MEIS2: variants seen among roughly 807,000 people sequenced by gnomAD.
The protein encoded by MEIS2 is homeobox protein Meis2.
MEIS2 carries 9 observed loss-of-function variants against 58.6 expected under a neutral mutation model. The observed-to-expected ratio is 0.15, with a 90% CI of 0.09 to 0.27. MEIS2 has a LOEUF of 0.27. Among genes scored for constraint, MEIS2 ranks in the 10% least tolerant of loss-of-function variants. The pLI is 1.00. For synonymous variants in MEIS2, 221 were observed against 228.4 expected (o/e 0.97, Z 0.29); for missense variants, 427 against 635.0 (o/e 0.67, Z 3.52).
chr15:37,035,440 A>G (rs2062112394), intron 8 of MEIS2, among the ~76,000 whole-genome samples: 1 of 152,216 alleles, frequency 6.6e-6, no homozygotes, highest in South Asian at 2.1e-4. Flanking sequence ...CCAATATGTA[A>G]TGGATTTACA....
At chr15:36,972,272 A>T (rs1441380796) in intron 8 of MEIS2, among the ~76,000 whole-genome samples, 2 of 152,180 alleles carry the variant, frequency 1.3e-5, no homozygotes, top group Non-Finnish European at 2.9e-5. Flanking sequence ...GACTGAGTTT[A>T]AAAAAACAAA....
chr15:36,976,391 A>G (rs533079525), intron 8 of MEIS2, among the ~76,000 whole-genome samples: 97 of 151,678 alleles, frequency 6.4e-4, no homozygotes, highest in African/African-American at 2.3e-3. Flanking sequence ...GCCTATAAAG[A>G]GATTTTTTTA....
In MEIS2 at chr15:37,087,707, C is replaced by T. The variant is rs563350932; in HGVS notation, c.640-3822G>A. ...TAGGAAGCAAATCATATGTGTGCCT[C>T]TCTTGTTGAAGTTGCAGATACACTG... is the stretch of plus-strand genomic sequence containing the variant. On this transcript the variant is annotated intron_variant, in intron 6 of 11. Transcript: ENST00000561208. Among the ~76,000 whole-genome samples, 5 of 152,206 alleles carry T rather than the reference C, an allele frequency of 3.3e-5. No homozygotes were observed. The East Asian group carries it at 9.7e-4, about 29-fold the overall frequency.
rs1474471283 is a variant in MEIS2, at chr15:36,970,555, CATT to C, written c.901-20158_901-20156del. ...ATTTGAAAGAAAATCTGGATTTCAA[CATT>C]ATCCTTTGCTGTACAAATCAGTGGA... On this transcript the variant is annotated intron_variant, in intron 8 of 11. Transcript: ENST00000561208. Among the ~76,000 whole-genome samples, 5 of 152,250 alleles carry C rather than the reference CATT, an allele frequency of 3.3e-5. No homozygotes were observed. In the East Asian group the frequency reaches 9.7e-4, roughly 29 times the overall value.
intron 11 of MEIS2, 79 bp downstream of exon 11, chr15:36,895,072 G>T: frequency 6.6e-6 from 8 of 1,215,338 alleles, no homozygotes; most frequent in Non-Finnish European, 8.4e-6. Flanking sequence ...ATGACAGTGG[G>T]ATAGTAGAGT....
At chr15:36,952,084 C>G (rs530032252) in intron 8 of MEIS2, among the ~76,000 whole-genome samples, 1 of 152,108 alleles carries the variant, frequency 6.6e-6, no homozygotes, top group African/African-American at 2.4e-5. Context: ...CACTCTGATT[C>G]GTCCAAACAA....
rs113276933 is a variant in MEIS2 at position 36,997,915 on chromosome 15, G to A, written c.900+38899C>T. Reference sequence around the variant, plus strand: ...TACTGGTGCTTACAAAGTGCTGACCGAGGTCAGGCTGAAACCTGTGGCCCT... The same window carrying A: ...TACTGGTGCTTACAAAGTGCTGACCAAGGTCAGGCTGAAACCTGTGGCCCT... On this transcript the variant is annotated intron_variant, in intron 8 of 11. Transcript: ENST00000561208. 2.9e-4 allele frequency among the ~76,000 whole-genome samples: 44 copies of A among 152,304 alleles called. 1 individual carries two copies. In the South Asian group the frequency reaches 3.5e-3, roughly 12 times the overall value.
At chr15:36,949,975 C>T (rs770812801) in intron 9 of MEIS2, among the ~76,000 whole-genome samples, 11 of 151,800 alleles carry the variant, frequency 7.2e-5, no homozygotes, top group South Asian at 6.2e-4. Context: ...TGCAAAAACC[C>T]GCGGAGTGAC....
chr15:36,955,436 T>C (rs2141408084), intron 8 of MEIS2, among the ~76,000 whole-genome samples: 2 of 152,330 alleles, frequency 1.3e-5, no homozygotes, highest in South Asian at 4.1e-4. Flanking sequence ...TCAGTGTCTC[T>C]AAATATTTGT....
At chr15:36,959,096 C>A (rs1719906) in intron 8 of MEIS2, among the ~76,000 whole-genome samples, 5,319 of 152,198 alleles carry the variant, frequency 0.035, 324 homozygotes, top group African/African-American at 0.12. Context: ...TTATGCCTAA[C>A]AAAACTGAGG....
rs542013969 is a variant in MEIS2 at position 37,077,264 on chromosome 15, G to A, written c.754+6507C>T. The stretch of plus-strand genomic sequence containing the variant: ...TTATCAGCTTGTTTATGAGGAGGGA[G>A]GACTCTTCTGAATGGCACTGTAAAC... On this transcript the variant is annotated intron_variant, in intron 7 of 11. Coordinates refer to ENST00000561208, the MANE Select transcript of MEIS2 (RefSeq NM_170675.5). Among the ~76,000 whole-genome samples the A allele has an allele frequency of 2.6e-5, 4 of 152,144 alleles. No homozygotes were observed. In the East Asian group the frequency reaches 7.8e-4, roughly 29 times the overall value.
intron 7 of MEIS2, among the ~76,000 whole-genome samples, chr15:37,055,406 C>CTG (rs147931302): frequency 6.6e-6 from 1 of 151,968 alleles, no homozygotes; most frequent in African/African-American, 2.4e-5. Flanking sequence ...TAATTCTTCC[C>CTG]TGTGTGTGTG....
intron 9 of MEIS2, among the ~76,000 whole-genome samples, chr15:36,947,052 A>C (rs1036102245): frequency 1.3e-5 from 2 of 151,982 alleles, no homozygotes; most frequent in Non-Finnish European, 2.9e-5. Flanking sequence ...CCACCAACTG[A>C]CCAGCATAGA....
At position 37,014,958 on chromosome 15, in the gene MEIS2, A is replaced by G. The variant is rs79941079; in HGVS notation, c.900+21856T>C. Among the ~76,000 whole-genome samples, 15 of 152,216 alleles carry G rather than the reference A, an allele frequency of 9.9e-5. No homozygotes were observed. In the East Asian group the frequency reaches 2.9e-3, roughly 29 times the overall value. On this transcript the variant is annotated intron_variant, in intron 8 of 11. Transcript: ENST00000561208. ...CACCAAACTCTCATTCTTTTTAATC[A>G]TAAAAGTACTTAATTCAGAAACTTT...
intron 8 of MEIS2, among the ~76,000 whole-genome samples, chr15:37,012,167 C>T (rs1441044822): frequency 3.3e-5 from 5 of 152,108 alleles, no homozygotes; most frequent in South Asian, 4.1e-4. Flanking sequence ...ACAACCTCTA[C>T]GGATGCATAT....
intron 9 of MEIS2, among the ~76,000 whole-genome samples, chr15:36,921,653 C>G (rs1186094189): frequency 6.6e-6 from 1 of 152,004 alleles, no homozygotes; most frequent in Non-Finnish European, 1.5e-5. Flanking sequence ...TGTTTCAGCA[C>G]CACTTAGCAT....
chr15:36,916,213 G>A (rs964106652), intron 9 of MEIS2, among the ~76,000 whole-genome samples: 6 of 151,758 alleles, frequency 4.0e-5, no homozygotes, highest in Non-Finnish European at 8.8e-5. Flanking sequence ...GGATCACGAG[G>A]TCAGGAGATT....
At chr15:36,959,343 A>C (rs1322633885) in intron 8 of MEIS2, among the ~76,000 whole-genome samples, 4 of 152,134 alleles carry the variant, frequency 2.6e-5, no homozygotes, top group African/African-American at 9.7e-5. Context: ...CGTTTGCCAC[A>C]CTGCATTACA....
chr15:37,082,671 G>A (rs946002725), intron 7 of MEIS2, among the ~76,000 whole-genome samples: 3 of 152,210 alleles, frequency 2.0e-5, no homozygotes, highest in East Asian at 1.9e-4. Context: ...ATGATTCATC[G>A]CTGTGTTAGT....
Sources: gnomAD v4.1 joint callset for allele counts (sites outside exome capture counted in the v4.1 genomes callset) on GRCh38, gnomAD v4.1.1 for gene constraint, MANE v1.5 for transcripts, NCBI Gene and HGNC (gene_info 2026-07-23, HGNC 2026-07-21) for gene names.